Variants in SUMF1 observed in about 807,000 individuals in gnomAD.
SUMF1 encodes sulfatase modifying factor 1.
Under a neutral mutation model 47.6 loss-of-function variants are expected in SUMF1, and 48 were observed. That is an observed-to-expected ratio of 1.01 (90% CI 0.80 to 1.28). The LOEUF is 1.28. Ranked by LOEUF, SUMF1 falls within the 50% of genes most tolerant of loss-of-function variation. The pLI is 0.00. For synonymous variants in SUMF1, 230 were observed against 192.1 expected, an observed-to-expected ratio of 1.20 and a Z score of -1.63; for missense variants, 571 against 485.4, an observed-to-expected ratio of 1.18 and a Z score of -1.66.
intron 8 of SUMF1, among the ~76,000 whole-genome samples, chr3:4,078,091 C>T (rs76231117): frequency 6.7e-4 from 102 of 152,160 alleles, no homozygotes; most frequent in African/African-American, 2.4e-3. Flanking sequence ...CTCTCCTATG[C>T]TAATAGCAGA....
intron 3 of SUMF1, among the ~76,000 whole-genome samples, chr3:4,422,094 G>A (rs886566589): frequency 2.6e-5 from 4 of 152,164 alleles, no homozygotes; most frequent in Non-Finnish European, 5.9e-5. Flanking sequence ...ACTATAGCAA[G>A]GTGTTTTATT....
chr3:4,109,804 G>A (rs1375634486), intron 8 of SUMF1, among the ~76,000 whole-genome samples: 2 of 152,166 alleles, frequency 1.3e-5, no homozygotes, highest in East Asian at 1.9e-4. Flanking sequence ...CTCTGCATTG[G>A]TTATTCTAGT....
intron 8 of SUMF1, among the ~76,000 whole-genome samples, chr3:4,141,336 G>A (rs1467212252): frequency 6.6e-6 from 1 of 152,106 alleles, no homozygotes; most frequent in Non-Finnish European, 1.5e-5. Flanking sequence ...CCAAGGGGGA[G>A]AAGAAATTGA....
intron 8 of SUMF1, among the ~76,000 whole-genome samples, chr3:4,133,225 A>G (rs937232080): frequency 1.8e-4 from 28 of 152,176 alleles, no homozygotes; most frequent in African/African-American, 6.5e-4. Flanking sequence ...CATAAGATTT[A>G]TTGATTTCAC....
intron 8 of SUMF1, among the ~76,000 whole-genome samples, chr3:4,367,831 T>G (rs373954208): frequency 2.6e-5 from 4 of 151,574 alleles, no homozygotes; most frequent in Admixed American, 2.6e-4. Flanking sequence ...ATACAAAAAT[T>G]AATTCAAGAT....
At chr3:4,253,397 G>GT (rs1696853835) in intron 8 of SUMF1, among the ~76,000 whole-genome samples, 1 of 152,220 alleles carries the variant, frequency 6.6e-6, no homozygotes, top group Non-Finnish European at 1.5e-5. Context: ...GCAGGCCAGT[G>GT]GGTGCGTGCA....
intron 8 of SUMF1, among the ~76,000 whole-genome samples, chr3:4,090,648 G>C (rs1447355780): frequency 6.6e-6 from 1 of 152,032 alleles, no homozygotes; most frequent in East Asian, 1.9e-4. Flanking sequence ...CCCCATATTT[G>C]TTATTGTTTG....
rs975946338 is a variant in SUMF1 at position 4,130,339 on chromosome 3, A to C, written c.1015-61594T>G. On this transcript the variant is annotated intron_variant and NMD_transcript_variant, in intron 8 of 12. Transcript: ENST00000448413. ...TTCTCCATTCCTGTCCATAAGGCCC[A>C]CCAGAAGCAATTTGCCTTCGGCTAG... is the stretch of plus-strand genomic sequence containing the variant. 2.6e-5 allele frequency among the ~76,000 whole-genome samples: 4 copies of C among 152,186 alleles called. 1 individual carries two copies. Among genetic ancestry groups the C allele is most frequent in the African/African-American group, 9.7e-5 (4 of 41,442 alleles).
intron 8 of SUMF1, chr3:4,316,504 T>C (rs1698654966): frequency 1.5e-5 from 24 of 1,597,206 alleles, no homozygotes; most frequent in Non-Finnish European, 2.0e-5. Context: ...GAACTCAATG[T>C]CAACCATTCT....
chr3:4,262,088 A>T (rs1270950671), intron 8 of SUMF1, among the ~76,000 whole-genome samples: 1 of 152,128 alleles, frequency 6.6e-6, no homozygotes, highest in Non-Finnish European at 1.5e-5. Context: ...GAGCTGCTAT[A>T]AGCCAAAATA....
At chr3:4,239,265 T>A (rs951170736) in intron 8 of SUMF1, among the ~76,000 whole-genome samples, 2 of 152,160 alleles carry the variant, frequency 1.3e-5, no homozygotes, top group East Asian at 3.9e-4. Context: ...TGGGTTCTTT[T>A]TTGGTTCCAT....
chr3:4,159,539 T>C (rs1048118604), intron 8 of SUMF1, among the ~76,000 whole-genome samples: 32 of 152,018 alleles, frequency 2.1e-4, no homozygotes, highest in African/African-American at 7.0e-4. Context: ...TTTTGATCAG[T>C]TCATCTTTTC....
intron 3 of SUMF1, among the ~76,000 whole-genome samples, chr3:4,443,806 A>G (rs994246977): frequency 6.6e-6 from 1 of 152,150 alleles, no homozygotes; most frequent in Non-Finnish European, 1.5e-5. Context: ...AAATGATTAA[A>G]AAGAAAGTGA....
intron 8 of SUMF1, among the ~76,000 whole-genome samples, chr3:4,253,667 C>G (rs992535908): frequency 6.6e-6 from 1 of 151,512 alleles, no homozygotes; most frequent in Non-Finnish European, 1.5e-5. Context: ...AACTGCAAGG[C>G]GGCAGCGAGG....
At chr3:4,061,206 G>T (rs1695271525) in intron 9 of SUMF1, among the ~76,000 whole-genome samples, 1 of 152,132 alleles carries the variant, frequency 6.6e-6, no homozygotes, top group South Asian at 2.1e-4. Context: ...GATGTTTATG[G>T]TTTCTTTTGA....
chr3:4,245,198 C>T (rs1228997485), intron 8 of SUMF1, among the ~76,000 whole-genome samples: 5 of 151,994 alleles, frequency 3.3e-5, no homozygotes, highest in East Asian at 1.9e-4. Context: ...TCCTTTAGCT[C>T]GGAGAAGTTT....
At chr3:4,458,035 G>C (rs1193254041) in intron 1 of SUMF1, among the ~76,000 whole-genome samples, 5 of 152,078 alleles carry the variant, frequency 3.3e-5, no homozygotes, top group Non-Finnish European at 7.4e-5. Context: ...CAAATCAATA[G>C]CAAGAAAACA....
Position 4,292,528 on chromosome 3 carries a change from C to A in SUMF1, c.1014+83802G>T, listed in dbSNP as rs568145208. ...TATTTTATTCACCTCGTGGTCTATT[C>A]CAAAGGACACTGTCAAACACAATGA... On this transcript the variant is annotated intron_variant and NMD_transcript_variant, in intron 8 of 12. Coordinates refer to the SUMF1 transcript ENST00000448413. Among the ~76,000 whole-genome samples the A allele has an allele frequency of 3.3e-4, 51 of 152,302 alleles. No homozygotes were observed. In the South Asian group the frequency reaches 3.7e-3, roughly 11 times the overall value.
intron 8 of SUMF1, among the ~76,000 whole-genome samples, chr3:4,097,525 C>G (rs532869512): frequency 6.6e-6 from 1 of 152,172 alleles, no homozygotes; most frequent in African/African-American, 2.4e-5. Context: ...TGCACTCCAG[C>G]CTGGGTGACA....
Sources: gnomAD v4.1 joint callset for allele counts (sites outside exome capture counted in the v4.1 genomes callset) on GRCh38, gnomAD v4.1.1 for gene constraint, MANE v1.5 for transcripts, NCBI Gene and HGNC (gene_info 2026-07-23, HGNC 2026-07-21) for gene names.